The following SENP2 variants were observed in gnomAD, a reference collection of about 807,000 sequenced individuals.
SENP2 encodes the protein sentrin-specific protease 2.
Under a neutral mutation model 86.3 loss-of-function variants are expected in SENP2, and 16 were observed. That is an observed-to-expected ratio of 0.19 (90% CI 0.13 to 0.28). SENP2 has a LOEUF of 0.28. Ranked by LOEUF, SENP2 falls within the 10% of genes least tolerant of loss-of-function variation. The probability of loss-of-function intolerance (pLI) is 1.00; values close to 1 mark genes in which losing one functional copy is unlikely to be tolerated. For missense variants in SENP2, 552 were observed against 703.0 expected, an observed-to-expected ratio of 0.79 and a Z score of 2.43; for synonymous variants, 222 against 238.7, an observed-to-expected ratio of 0.93 and a Z score of 0.64.
At position 185,611,719 on chromosome 3, in the gene SENP2, A is replaced by G. The variant is rs376822227; in HGVS notation, c.791A>G (p.Lys264Arg). 11 of 1,613,360 alleles carry G rather than the reference A, an allele frequency of 6.8e-6. No homozygotes were observed. The African/African-American group carries it at 1.2e-4, about 18-fold the overall frequency. ...GWGEEQNHGV[K>R]TTQFVPKQYR... is the part of the protein sequence containing the mutation. ...GGGGAAGAGCAAAATCACGGAGTCA[A>G]AACAACTCAGTTTGTTCCAAAACAA... Residue 264 changes from lysine (K) to arginine (R), a missense_variant, in exon 8 of 17, where the codon AAA becomes AGA. Physicochemically the swap from Lys to Arg is conservative, Grantham distance 26. Transcript: ENST00000296257.
chr3:185,606,193 G>A, intron 5 of SENP2, 137 bp from the exon 6 acceptor site: 2 of 666,674 alleles, frequency 3.0e-6, no homozygotes, highest in South Asian at 2.3e-5. Flanking sequence ...TCTAACTTTT[G>A]CATAATTGTA....
In SENP2 at chr3:185,626,286, T is replaced by C; in HGVS notation, c.1612-12T>C. On this transcript the variant is annotated splice_polypyrimidine_tract_variant and intron_variant, in intron 15 of 16. Coordinates refer to ENST00000296257, the MANE Select transcript of SENP2 (RefSeq NM_021627.3). ...TACCCTTTCCTCTCTTCTTTTTTCT[T>C]TGTAATTTTAGGAGATTCCTCAACA... 6.4e-7 allele frequency: 1 copy of C among 1,573,854 alleles called. No homozygotes were observed. Among genetic ancestry groups the C allele is most frequent in the East Asian group, 2.2e-5 (1 of 44,684 alleles).
At chr3:185,594,625 T>G (rs1228154126) in intron 2 of SENP2, among the ~76,000 whole-genome samples, 1 of 151,360 alleles carries the variant, frequency 6.6e-6, no homozygotes, top group Non-Finnish European at 1.5e-5. Flanking sequence ...ATGATCTTTT[T>G]TTTTTTTTTT....
chr3:185,598,982 G>A lies in SENP2; in HGVS notation c.316G>A (p.Glu106Lys). 1 of 1,613,194 alleles carries A rather than the reference G, an allele frequency of 6.2e-7. No individual in the cohort carries two copies. The highest frequency in any genetic ancestry group is 8.5e-7 in the Non-Finnish European group (1 of 1,179,742). The change falls in exon 4 of 17, where the codon GAA (glutamate) becomes AAA (lysine). Residue 106 changes from glutamate to lysine, a missense_variant. Transcript: ENST00000296257. ...GGTATTTTCGAACTCTTCATCTTGTGAACTGACAGGTTCTGGATCCTGGAA... is the reference window on the plus strand; with the variant it reads ...GGTATTTTCGAACTCTTCATCTTGTAAACTGACAGGTTCTGGATCCTGGAA... ...GEVFSNSSSCELTGSGSWNNM... is the reference protein window; with the variant it reads ...GEVFSNSSSCKLTGSGSWNNM...
intron 11 of SENP2, among the ~76,000 whole-genome samples, chr3:185,615,754 A>G (rs942629444): frequency 6.6e-6 from 1 of 152,228 alleles, no homozygotes; most frequent in Non-Finnish European, 1.5e-5. Flanking sequence ...ATAAGGAGTC[A>G]ATTGCTAGAC....
chr3:185,615,620 A>G (rs1711569917), intron 11 of SENP2, among the ~76,000 whole-genome samples: 1 of 152,196 alleles, frequency 6.6e-6, no homozygotes, highest in Non-Finnish European at 1.5e-5. Context: ...CTGGGATTAT[A>G]GGCGCAAGCC....
intron 8 of SENP2, 88 bp from the exon 9 acceptor site, chr3:185,612,519 A>T (rs75403119): frequency 2.8e-6 from 1 of 360,526 alleles, no homozygotes; most frequent in Non-Finnish European, 4.3e-6. Context: ...GAATGTCTTG[A>T]TGTTGTGGAA....
intron 14 of SENP2, among the ~76,000 whole-genome samples, chr3:185,623,473 C>T (rs1490939543): frequency 6.6e-6 from 1 of 152,022 alleles, no homozygotes; most frequent in Non-Finnish European, 1.5e-5. Flanking sequence ...TTGGTGGGGG[C>T]ATCTAATGCT....
chr3:185,586,655 G>T lies in SENP2; in HGVS notation c.101+141G>T. On this transcript the variant is annotated intron_variant, in intron 1 of 16. Transcript: ENST00000296257. The surrounding 1 kb of genome is among the most constrained non-coding windows in gnomAD (Gnocchi z 4.3). ...CTAGTGACGTAGTCGCTCCCGCCAG[G>T]CTGTAGGGAGGCAGCTCCTGATGAA... 2 of 736,280 alleles carry T rather than the reference G, an allele frequency of 2.7e-6. No individual in the cohort carries two copies. The highest frequency in any genetic ancestry group is 2.2e-6 in the Non-Finnish European group (1 of 445,504). 45.6% of individuals were successfully genotyped at this position (736,280 alleles called of 1,614,324 possible). A position where few individuals can be genotyped will look rare whatever the true frequency, so the allele number is the denominator to read the frequency against.
intron 1 of SENP2, among the ~76,000 whole-genome samples, chr3:185,587,570 A>AGTTTTTTTTTTTTTTT (rs1721827283): frequency 8.4e-6 from 1 of 118,798 alleles, no homozygotes; most frequent in Non-Finnish European, 1.7e-5. Flanking sequence ...TCAAGTGTTA[A>AGTTTTTTTTTTTTTTT]TTTTTTTTTT....
At chr3:185,626,215 A>G (rs1242981451) in intron 15 of SENP2, 83 bp from the exon 16 acceptor site, 4 of 833,436 alleles carry the variant, frequency 4.8e-6, no homozygotes, top group Non-Finnish European at 7.8e-6. Flanking sequence ...TATTGTTTAC[A>G]GCAATATTTA....
rs1453699672 is a variant in SENP2 at position 185,586,795 on chromosome 3, C to G, written c.101+281C>G. Among the ~76,000 whole-genome samples the G allele has an allele frequency of 1.3e-5, 2 of 152,224 alleles. No homozygotes were observed. The highest frequency in any genetic ancestry group is 2.9e-5 in the Non-Finnish European group (2 of 68,044). ...GGCTTTGCCGCTCTTAGGCTGAACACTAACATTGAAGGAATACTGTCTTTG... is the reference window on the plus strand; with the variant it reads ...GGCTTTGCCGCTCTTAGGCTGAACAGTAACATTGAAGGAATACTGTCTTTG... On this transcript the variant is annotated intron_variant, in intron 1 of 16. Coordinates refer to ENST00000296257, the MANE Select transcript of SENP2 (RefSeq NM_021627.3). The surrounding 1 kb of genome is among the most constrained non-coding windows in gnomAD (Gnocchi z 4.3).
chr3:185,592,693 T>C (rs1722047329), intron 2 of SENP2, among the ~76,000 whole-genome samples: 1 of 151,720 alleles, frequency 6.6e-6, no homozygotes, highest in African/African-American at 2.4e-5. Flanking sequence ...CTCGGCCCAC[T>C]GCAACCTCCG....
intron 11 of SENP2, 28 bp downstream of exon 11, chr3:185,614,768 AG>A: frequency 6.2e-7 from 1 of 1,601,592 alleles, no homozygotes. Flanking sequence ...GATCCTAAAA[AG>A]AGGCATGTCT....
intron 16 of SENP2, 112 bp from the exon 17 acceptor site, chr3:185,629,670 C>A: frequency 2.0e-6 from 2 of 984,200 alleles, no homozygotes; most frequent in Non-Finnish European, 3.2e-6. Flanking sequence ...AAAATGTCAA[C>A]ACTTAGAAAA....
intron 16 of SENP2, among the ~76,000 whole-genome samples, chr3:185,626,758 G>T (rs865917575): frequency 6.6e-6 from 1 of 150,812 alleles, no homozygotes; most frequent in Non-Finnish European, 1.5e-5. Context: ...GGGTGACAGA[G>T]CGAGACTCTG....
At chr3:185,613,848 A>G (rs79571550) in intron 10 of SENP2, among the ~76,000 whole-genome samples, 22 of 150,946 alleles carry the variant, frequency 1.5e-4, no homozygotes, top group Non-Finnish European at 3.1e-4. Context: ...AAAAAAAAAA[A>G]GGCAGGAAGC....
chr3:185,618,058 C>T (rs2148992542), intron 12 of SENP2, among the ~76,000 whole-genome samples: 1 of 152,336 alleles, frequency 6.6e-6, no homozygotes, highest in African/African-American at 2.4e-5. Flanking sequence ...AATTCTCCTA[C>T]CTCAGCCTCC....
chr3:185,626,449 G>C, intron 16 of SENP2, 56 bp downstream of exon 16: 1 of 1,219,464 alleles, frequency 8.2e-7, no homozygotes, highest in Non-Finnish European at 1.2e-6. Context: ...TAAGGCACTT[G>C]GCCAGTGCCT....
Sources: allele counts gnomAD v4.1 joint callset (sites outside exome capture counted in the v4.1 genomes callset), GRCh38; gene constraint gnomAD v4.1.1; non-coding constraint Gnocchi (gnomAD v3.1); transcripts MANE v1.5; gene names NCBI Gene and HGNC (gene_info 2026-07-23, HGNC 2026-07-21).